The following KCNQ3 variants were observed in gnomAD, a reference collection of about 807,000 sequenced individuals.
KCNQ3 encodes potassium voltage-gated channel subfamily KQT member 3.
Under a neutral mutation model 92.5 loss-of-function variants are expected in KCNQ3, and 30 were observed. The ratio of observed to expected loss-of-function variants is 0.32; its 90% CI spans 0.24 to 0.44. The LOEUF is 0.44. KCNQ3 is among the 20% of genes least tolerant of loss of function. The pLI is 1.00. For synonymous variants in KCNQ3, 450 were observed against 468.8 expected (o/e 0.96, Z 0.52); for missense variants, 913 against 1,140.3 (o/e 0.80, Z 2.87).
chr8:132,190,360 A>AT lies in KCNQ3; in HGVS notation c.387-4180dup, dbSNP rs780642115. 3.1e-3 allele frequency among the ~76,000 whole-genome samples: 465 copies of AT among 148,198 alleles called. 1 individual carries two copies. The highest frequency in any genetic ancestry group is 4.5e-3 in the African/African-American group (183 of 40,550). Reference sequence around the variant, plus strand: ...GAGATAAGATGTCACTACTCTGTGTATTTTTTTTTTTAATATGGCAAAGGC... The same window carrying AT: ...GAGATAAGATGTCACTACTCTGTGTATTTTTTTTTTTTAATATGGCAAAGGC... On this transcript the variant is annotated intron_variant, in intron 1 of 14. Coordinates refer to ENST00000388996, the MANE Select transcript of KCNQ3 (RefSeq NM_004519.4).
chr8:132,433,964 T>C (rs538007950), intron 1 of KCNQ3, among the ~76,000 whole-genome samples: 1 of 152,068 alleles, frequency 6.6e-6, no homozygotes, highest in African/African-American at 2.4e-5. Context: ...ATCCCAGCAC[T>C]TTGGGAGGCC....
chr8:132,306,567 T>C (rs568369666), intron 1 of KCNQ3, among the ~76,000 whole-genome samples: 2 of 152,346 alleles, frequency 1.3e-5, no homozygotes, highest in African/African-American at 2.4e-5. Context: ...AGTGTGTGCA[T>C]AGGTGTAGCA....
intron 1 of KCNQ3, among the ~76,000 whole-genome samples, chr8:132,192,752 C>T (rs1427045690): frequency 6.6e-6 from 1 of 152,110 alleles, no homozygotes; most frequent in Non-Finnish European, 1.5e-5. Flanking sequence ...CGGGTTCAAG[C>T]GATTCTTCTG....
chr8:132,241,903 T>C (rs900985478), intron 1 of KCNQ3, among the ~76,000 whole-genome samples: 1 of 152,128 alleles, frequency 6.6e-6, no homozygotes, highest in Non-Finnish European at 1.5e-5. Flanking sequence ...TTATTCTTAT[T>C]TTTTGCAGAA....
rs747397080 is a variant in KCNQ3, at chr8:132,258,247, T to C, written c.387-72066A>G. Among the ~76,000 whole-genome samples the C allele has an allele frequency of 5.3e-5, 8 of 152,212 alleles. No individual in the cohort carries two copies. The East Asian group carries it at 5.8e-4, about 11-fold the overall frequency. ...TACACATGAAACACTTCCCAGAATA[T>C]AGTATATGTTGGACAATAAAACAGA... On this transcript the variant is annotated intron_variant, in intron 1 of 14. Coordinates refer to ENST00000388996, the MANE Select transcript of KCNQ3 (RefSeq NM_004519.4).
At chr8:132,303,233 T>C (rs1033679133) in intron 1 of KCNQ3, among the ~76,000 whole-genome samples, 4 of 152,066 alleles carry the variant, frequency 2.6e-5, no homozygotes, top group African/African-American at 9.7e-5. Context: ...TGGAACCCAT[T>C]AAAACGATGA....
intron 1 of KCNQ3, among the ~76,000 whole-genome samples, chr8:132,415,733 C>T (rs1259359552): frequency 6.9e-6 from 1 of 144,212 alleles, no homozygotes; most frequent in Non-Finnish European, 1.5e-5. Flanking sequence ...CTCAACGGGA[C>T]AAAAAAAAAA....
At chr8:132,158,386 C>A (rs16904607) in intron 9 of KCNQ3, among the ~76,000 whole-genome samples, 3 of 152,226 alleles carry the variant, frequency 2.0e-5, no homozygotes, top group South Asian at 2.1e-4. Context: ...GAAGGCAAAG[C>A]GTGAATTATA....
At chr8:132,312,749 T>C (rs1817631284) in intron 1 of KCNQ3, among the ~76,000 whole-genome samples, 1 of 152,168 alleles carries the variant, frequency 6.6e-6, no homozygotes, top group African/African-American at 2.4e-5. Flanking sequence ...ACACTCTCGC[T>C]CTCCCTCACC....
chr8:132,170,301 A>G (rs780968622), intron 8 of KCNQ3, 33 bp downstream of exon 8: 4 of 1,489,812 alleles, frequency 2.7e-6, no homozygotes, highest in Non-Finnish European at 2.8e-6. Flanking sequence ...ATGGCTGGTC[A>G]CGCCCTGAGC....
At chr8:132,191,379 A>G (rs1242484704) in intron 1 of KCNQ3, among the ~76,000 whole-genome samples, 1 of 151,998 alleles carries the variant, frequency 6.6e-6, no homozygotes, top group Admixed American at 6.6e-5. Context: ...GCTGGTCTTG[A>G]ACGCCTAGAC....
At chr8:132,422,698 C>T (rs1362935499) in intron 1 of KCNQ3, among the ~76,000 whole-genome samples, 9 of 152,224 alleles carry the variant, frequency 5.9e-5, no homozygotes, top group African/African-American at 4.8e-5. Context: ...CCACGACTCT[C>T]CATATAACTA....
chr8:132,168,550 AG>A (rs979884227), intron 8 of KCNQ3, among the ~76,000 whole-genome samples: 1 of 152,128 alleles, frequency 6.6e-6, no homozygotes, highest in African/African-American at 2.4e-5. Context: ...GGTGGTGATC[AG>A]GGGCCCAATC....
intron 1 of KCNQ3, among the ~76,000 whole-genome samples, chr8:132,404,475 A>T (rs1183323394): frequency 2.0e-5 from 3 of 152,238 alleles, no homozygotes; most frequent in Non-Finnish European, 4.4e-5. Flanking sequence ...GGTCTAATTC[A>T]ATCAATTGAA....
intron 1 of KCNQ3, among the ~76,000 whole-genome samples, chr8:132,213,873 T>C (rs1217161232): frequency 6.6e-6 from 1 of 152,184 alleles, no homozygotes; most frequent in Non-Finnish European, 1.5e-5. Flanking sequence ...GAGAAATTTG[T>C]CATGAGTGCA....
At chr8:132,381,992 G>A (rs1819764213) in intron 1 of KCNQ3, among the ~76,000 whole-genome samples, 1 of 152,236 alleles carries the variant, frequency 6.6e-6, no homozygotes, top group Admixed American at 6.5e-5. Context: ...CCTCGTCATG[G>A]CATCTGTCCA....
chr8:132,212,593 G>C (rs1309406134), intron 1 of KCNQ3, among the ~76,000 whole-genome samples: 1 of 151,606 alleles, frequency 6.6e-6, no homozygotes, highest in East Asian at 1.9e-4. Context: ...CTACTCAAAG[G>C]CTCATCAGGT....
intron 1 of KCNQ3, among the ~76,000 whole-genome samples, chr8:132,324,261 G>A (rs1817977153): frequency 6.6e-6 from 1 of 152,092 alleles, no homozygotes; most frequent in Non-Finnish European, 1.5e-5. Context: ...TTCAGTTTTT[G>A]TGCCTTTACT....
intron 13 of KCNQ3, among the ~76,000 whole-genome samples, chr8:132,132,545 T>C (rs1235809006): frequency 6.6e-6 from 1 of 152,246 alleles, no homozygotes; most frequent in Non-Finnish European, 1.5e-5. Context: ...TTAAACATTA[T>C]AAAGCACCTA....
Sources: allele counts gnomAD v4.1 joint callset (sites outside exome capture counted in the v4.1 genomes callset), GRCh38; gene constraint gnomAD v4.1.1; transcripts MANE v1.5; gene names NCBI Gene and HGNC (gene_info 2026-07-23, HGNC 2026-07-21).